GRIN2B: variants seen among roughly 807,000 people sequenced by gnomAD.
The protein encoded by GRIN2B is glutamate ionotropic receptor NMDA type subunit 2B, also known as glutamate receptor ionotropic, NMDA 2B.
GRIN2B carries 5 observed loss-of-function variants against 114.5 expected under a neutral mutation model. The ratio of observed to expected loss-of-function variants is 0.04; its 90% confidence interval spans 0.02 to 0.09. GRIN2B has a LOEUF of 0.09. Ranked by LOEUF, GRIN2B falls within the 10% of genes least tolerant of loss-of-function variation. GRIN2B has a pLI of 1.00. For synonymous variants in GRIN2B, 787 were observed against 745.1 expected (o/e 1.06, Z -0.92); for missense variants, 1,108 against 1,943.5 (o/e 0.57, Z 8.08).
At chr12:13,926,964 A>AC (rs1379541282) in intron 2 of GRIN2B, among the ~76,000 whole-genome samples, 1 of 151,414 alleles carries the variant, frequency 6.6e-6, no homozygotes, top group Non-Finnish European at 1.5e-5. Context: ...AAAAAAGAAA[A>AC]AAAAAAAAAG....
chr12:13,589,395 C>G (rs1193680040), intron 10 of GRIN2B, among the ~76,000 whole-genome samples: 1 of 152,162 alleles, frequency 6.6e-6, no homozygotes, highest in Non-Finnish European at 1.5e-5. Context: ...GATAACAAAA[C>G]AGAGCTACTG....
chr12:13,962,951 G>C (rs1029850475), intron 2 of GRIN2B, among the ~76,000 whole-genome samples: 2 of 152,158 alleles, frequency 1.3e-5, no homozygotes, highest in Non-Finnish European at 2.9e-5. Flanking sequence ...TGTCAGAGAA[G>C]GCAGACCTCC....
intron 10 of GRIN2B, among the ~76,000 whole-genome samples, chr12:13,607,144 C>CAA (rs1269407366): frequency 3.4e-5 from 3 of 87,482 alleles, no homozygotes; most frequent in East Asian, 3.2e-4. Flanking sequence ...ACCATGCACT[C>CAA]AAAAAAAATA....
chr12:13,744,822 G>A (rs901488189), intron 4 of GRIN2B, among the ~76,000 whole-genome samples: 1 of 152,112 alleles, frequency 6.6e-6, no homozygotes, highest in South Asian at 2.1e-4. Context: ...ATGTCCTCCC[G>A]GAAGAGGACG....
In GRIN2B at chr12:13,676,224, A is replaced by C. The variant is rs1264208196; in HGVS notation, c.1011-365T>G. Among the ~76,000 whole-genome samples the C allele has an allele frequency of 2.6e-5, 4 of 152,098 alleles. No individual in the cohort carries two copies. In the East Asian group the frequency reaches 7.7e-4, roughly 29 times the overall value. On this transcript the variant is annotated intron_variant, in intron 4 of 13. Transcript: ENST00000609686. ...GGGGAGAGGGAGAGCATCAGGAAAA[A>C]CAGCAAATGCATGCTGGGCTTAATA... is the stretch of plus-strand genomic sequence containing the variant.
intron 2 of GRIN2B, among the ~76,000 whole-genome samples, chr12:13,912,124 T>G (rs1565584147): frequency 1.3e-5 from 2 of 152,212 alleles, no homozygotes; most frequent in East Asian, 3.9e-4. Flanking sequence ...GGTTCCTTAG[T>G]GCTTCCCACC....
chr12:13,901,349 G>T (rs1454740155), intron 2 of GRIN2B, among the ~76,000 whole-genome samples: 1 of 151,836 alleles, frequency 6.6e-6, no homozygotes, highest in African/African-American at 2.4e-5. Flanking sequence ...ATTTATACAA[G>T]AATATTCATT....
intron 3 of GRIN2B, among the ~76,000 whole-genome samples, chr12:13,834,738 T>C (rs1277560721): frequency 6.6e-6 from 1 of 152,340 alleles, no homozygotes; most frequent in East Asian, 1.9e-4. Flanking sequence ...AGCCACTTTA[T>C]AGCCAAACAT....
At chr12:13,840,143 A>ATTT (rs1865353165) in intron 3 of GRIN2B, among the ~76,000 whole-genome samples, 2 of 108,824 alleles carry the variant, frequency 1.8e-5, no homozygotes, top group African/African-American at 5.3e-5. Flanking sequence ...TGCGTAACGT[A>ATTT]CTGCTCTGTT....
chr12:13,570,776 G>A (rs1259922894), intron 11 of GRIN2B, among the ~76,000 whole-genome samples: 2 of 152,184 alleles, frequency 1.3e-5, no homozygotes, highest in Non-Finnish European at 2.9e-5. Context: ...CATATCAAAG[G>A]TAGAGGAAGA....
chr12:13,779,092 A>AG (rs1864058219), intron 3 of GRIN2B, among the ~76,000 whole-genome samples: 1 of 152,210 alleles, frequency 6.6e-6, no homozygotes, highest in Non-Finnish European at 1.5e-5. Context: ...TCTGTCACCC[A>AG]GGCTGGAGTG....
At chr12:13,747,664 G>A (rs1245638619) in intron 4 of GRIN2B, among the ~76,000 whole-genome samples, 1 of 152,166 alleles carries the variant, frequency 6.6e-6, no homozygotes, top group Non-Finnish European at 1.5e-5. Flanking sequence ...CACTGTGCCA[G>A]CTATACCGCT....
Position 13,563,849 on chromosome 12 carries a change from C to G in GRIN2B, c.3389G>C (p.Arg1130Pro), listed in dbSNP as rs148625092. ...KRYFRDKEGL[R>P]DFYLDQFRTK... is the part of the protein sequence containing the mutation. ...TCGGAACTGGTCCAGGTAGAAGTCC[C>G]GTAGCCCTTCCTTGTCCCTGAAGTA... Residue 1130 changes from arginine to proline, a missense_variant, in exon 14 of 14, where the codon CGG becomes CCG. By Grantham distance (103) the Arg-to-Pro change is moderately radical. Coordinates refer to ENST00000609686, the MANE Select transcript of GRIN2B (RefSeq NM_000834.5). 1 of 1,614,082 alleles carries G rather than the reference C, an allele frequency of 6.2e-7. No individual in the cohort carries two copies. The highest frequency in any genetic ancestry group is 8.5e-7 in the Non-Finnish European group (1 of 1,180,022).
chr12:13,586,033 A>G (rs1948918438), intron 10 of GRIN2B, among the ~76,000 whole-genome samples: 1 of 152,230 alleles, frequency 6.6e-6, no homozygotes, highest in Admixed American at 6.5e-5. Flanking sequence ...GACTGCTACA[A>G]AAGTGAAATA....
intron 3 of GRIN2B, among the ~76,000 whole-genome samples, chr12:13,820,706 C>A (rs553089634): frequency 1.3e-5 from 2 of 152,150 alleles, no homozygotes; most frequent in African/African-American, 4.8e-5. Flanking sequence ...GGGATGAGGG[C>A]AAACCTGGTT....
In GRIN2B at chr12:13,615,721, A is replaced by G; in HGVS notation, c.1329-57T>C. 2.1e-6 allele frequency: 3 copies of G among 1,441,510 alleles called. No individual in the cohort carries two copies. Among genetic ancestry groups the G allele is most frequent in the Non-Finnish European group, 2.9e-6 (3 of 1,022,834 alleles). The allele number at this position is 1,441,510 out of a possible 1,614,324, so 89.3% of individuals were successfully genotyped here. A position where few individuals can be genotyped will look rare whatever the true frequency, so the allele number is the denominator to read the frequency against. On this transcript the variant is annotated intron_variant, in intron 6 of 13. Transcript: ENST00000609686. The surrounding 1 kb of genome is among the most constrained non-coding windows in gnomAD (Gnocchi z 5.8). ...CAAAAAAGTCTTTGTACAAAAAGCC[A>G]ACATTTATTACCCTTTGCCATTAAA...
At chr12:13,780,108 G>T (rs1864079532) in intron 3 of GRIN2B, among the ~76,000 whole-genome samples, 1 of 152,074 alleles carries the variant, frequency 6.6e-6, no homozygotes, top group Non-Finnish European at 1.5e-5. Context: ...CTCAGTTGCG[G>T]AAATAATTAC....
intron 3 of GRIN2B, among the ~76,000 whole-genome samples, chr12:13,819,474 A>G (rs1215483277): frequency 1.3e-5 from 2 of 152,218 alleles, no homozygotes; most frequent in Admixed American, 6.5e-5. Flanking sequence ...GAAAGGGAAT[A>G]TATAATAAAT....
intron 3 of GRIN2B, among the ~76,000 whole-genome samples, chr12:13,804,439 T>C (rs1487803835): frequency 6.6e-6 from 1 of 152,148 alleles, no homozygotes; most frequent in African/African-American, 2.4e-5. Context: ...CTATTTTTAG[T>C]CCTGTCTCTT....
Sources: allele counts gnomAD v4.1 joint callset (sites outside exome capture counted in the v4.1 genomes callset), GRCh38; gene constraint gnomAD v4.1.1; non-coding constraint Gnocchi (gnomAD v3.1); transcripts MANE v1.5; gene names NCBI Gene and HGNC (gene_info 2026-07-23, HGNC 2026-07-21).